The following XKR6 variants were observed in gnomAD, a reference collection of about 807,000 sequenced individuals.
The protein encoded by XKR6 is XK related 6.
In XKR6, 22 loss-of-function variants were observed where a neutral mutation model predicts 56.7. That is an observed-to-expected ratio of 0.39 (90% confidence interval 0.28 to 0.55). XKR6 has a LOEUF of 0.55. Ranked by LOEUF, XKR6 falls within the 20% of genes least tolerant of loss-of-function variation. The pLI is 0.66. For missense variants in XKR6, 852 were observed against 889.0 expected, an observed-to-expected ratio of 0.96 and a Z score of 0.53; for synonymous variants, 524 against 387.8, an observed-to-expected ratio of 1.35 and a Z score of -4.13.
At chr8:11,062,262 G>T (rs1286554382) in intron 1 of XKR6, among the ~76,000 whole-genome samples, 1 of 152,062 alleles carries the variant, frequency 6.6e-6, no homozygotes, top group African/African-American at 2.4e-5. Flanking sequence ...CAAGAGGCCT[G>T]GGAGCCAAGG....
At chr8:11,125,098 A>AAAG (rs1554465727) in intron 1 of XKR6, among the ~76,000 whole-genome samples, 1 of 149,500 alleles carries the variant, frequency 6.7e-6, no homozygotes, top group Non-Finnish European at 1.5e-5. Context: ...CAAAAAAAAA[A>AAAG]AAAAAGAAAA....
intron 1 of XKR6, among the ~76,000 whole-genome samples, chr8:11,189,736 G>GA (rs1803452165): frequency 6.6e-6 from 1 of 152,152 alleles, no homozygotes; most frequent in Non-Finnish European, 1.5e-5. Flanking sequence ...GGAACTTTCT[G>GA]AAAACCTAGA....
intron 1 of XKR6, among the ~76,000 whole-genome samples, chr8:11,131,032 AC>A (rs1202440779): frequency 6.6e-6 from 1 of 152,112 alleles, no homozygotes; most frequent in African/African-American, 2.4e-5. Flanking sequence ...GTAACTGAGG[AC>A]CCTGTTTTAG....
chr8:10,940,818 C>G (rs1801366641), intron 1 of XKR6, among the ~76,000 whole-genome samples: 1 of 152,204 alleles, frequency 6.6e-6, no homozygotes, highest in African/African-American at 2.4e-5. Flanking sequence ...CACCAGCAAA[C>G]TGCTTTGTTC....
Position 11,035,179 on chromosome 8 carries a change from G to C in XKR6, c.765-110349C>G, listed in dbSNP as rs376917688. On this transcript the variant is annotated intron_variant, in intron 1 of 2. Transcript: ENST00000416569. ...AACAGCCAGTCTCGTGCCCAGCCCA[G>C]CGTGGGTGCAAGCTATCTGGTGGCT... 7 of 534,584 alleles carry C rather than the reference G, an allele frequency of 1.3e-5. No individual in the cohort carries two copies. In the African/African-American group the frequency reaches 1.3e-4, roughly 10 times the overall value. The allele number at this position is 534,584 out of a possible 1,614,324, so 33.1% of individuals were successfully genotyped here. A position where few individuals can be genotyped will look rare whatever the true frequency, so the allele number is the denominator to read the frequency against.
At chr8:11,102,881 A>C (rs377226121) in intron 1 of XKR6, among the ~76,000 whole-genome samples, 1 of 152,190 alleles carries the variant, frequency 6.6e-6, no homozygotes, top group Non-Finnish European at 1.5e-5. Context: ...CTGCCTTCTT[A>C]TTCTTGCTCT....
At chr8:11,053,333 G>C (rs552809379) in intron 1 of XKR6, among the ~76,000 whole-genome samples, 1 of 152,182 alleles carries the variant, frequency 6.6e-6, no homozygotes, top group Non-Finnish European at 1.5e-5. Flanking sequence ...GGCCCAGCAC[G>C]CTTAACCATC....
At chr8:10,912,306 G>GTATATATATATATA (rs535084135) in intron 2 of XKR6, among the ~76,000 whole-genome samples, 15 of 55,246 alleles carry the variant, frequency 2.7e-4, no homozygotes, top group South Asian at 1.1e-3. Flanking sequence ...AAGAGAGGGT[G>GTATATATATATATA]TATATATATA....
At chr8:11,026,613 TTAGATGGTCTAGCCTACTACACACC>T (rs1798871336) in intron 1 of XKR6, among the ~76,000 whole-genome samples, 1 of 144,500 alleles carries the variant, frequency 6.9e-6, no homozygotes, top group Non-Finnish European at 1.5e-5. Flanking sequence ...TACTACACAC[TTAGATGGTCTAGCCTACTACACACC>T]TAGATGGTCT....
chr8:10,974,618 C>T (rs550974325), intron 1 of XKR6, among the ~76,000 whole-genome samples: 4 of 152,344 alleles, frequency 2.6e-5, no homozygotes, highest in East Asian at 1.9e-4. Context: ...CAGTGAGAGG[C>T]TGGGTTAACA....
chr8:11,033,078 G>A (rs1799032029), intron 1 of XKR6, among the ~76,000 whole-genome samples: 1 of 151,968 alleles, frequency 6.6e-6, no homozygotes, highest in South Asian at 2.1e-4. Context: ...TGGTGACGAT[G>A]GTAATGGTGA....
At chr8:11,120,884 A>T (rs576016584) in intron 1 of XKR6, among the ~76,000 whole-genome samples, 12 of 152,316 alleles carry the variant, frequency 7.9e-5, no homozygotes, top group East Asian at 1.9e-4. Flanking sequence ...ATAATGCCGC[A>T]TATCTACAAC....
At chr8:11,162,486 T>A (rs1447115485) in intron 1 of XKR6, among the ~76,000 whole-genome samples, 1 of 152,090 alleles carries the variant, frequency 6.6e-6, no homozygotes, top group Non-Finnish European at 1.5e-5. Flanking sequence ...AACAAAAAAC[T>A]CTCTTTTTTA....
intron 1 of XKR6, chr8:11,106,002 G>C (rs1453723301): frequency 6.6e-6 from 1 of 152,152 alleles, no homozygotes; most frequent in African/African-American, 2.4e-5. Flanking sequence ...TACACCAAGA[G>C]TCAGAAAATG....
chr8:10,915,659 T>G (rs1280185401), intron 2 of XKR6, among the ~76,000 whole-genome samples: 1 of 152,204 alleles, frequency 6.6e-6, no homozygotes, highest in African/African-American at 2.4e-5. Context: ...AAACTCCATT[T>G]AACAGGGTAA....
intron 1 of XKR6, among the ~76,000 whole-genome samples, chr8:10,940,600 G>A (rs1801359892): frequency 6.6e-6 from 1 of 152,164 alleles, no homozygotes; most frequent in Non-Finnish European, 1.5e-5. Flanking sequence ...TGGTCCGGGA[G>A]CAGAGCTGGT....
intron 1 of XKR6, among the ~76,000 whole-genome samples, chr8:10,969,425 T>C (rs190289329): frequency 3.9e-5 from 6 of 152,330 alleles, no homozygotes; most frequent in Middle Eastern, 3.4e-3. Context: ...CAGGAATAGA[T>C]TTAATTAAAG....
chr8:11,020,229 A>G (rs1798719308), intron 1 of XKR6, among the ~76,000 whole-genome samples: 1 of 152,172 alleles, frequency 6.6e-6, no homozygotes, highest in African/African-American at 2.4e-5. Context: ...CAGTGGAGCC[A>G]GGGCTTGGCC....
At chr8:11,060,162 G>A (rs1296903427) in intron 1 of XKR6, among the ~76,000 whole-genome samples, 7 of 152,180 alleles carry the variant, frequency 4.6e-5, no homozygotes, top group Non-Finnish European at 1.0e-4. Context: ...GTGGCAGGCG[G>A]AGATAAAGAG....
Sources: allele counts gnomAD v4.1 joint callset (sites outside exome capture counted in the v4.1 genomes callset), GRCh38; gene constraint gnomAD v4.1.1; transcripts MANE v1.5; gene names NCBI Gene and HGNC (gene_info 2026-07-23, HGNC 2026-07-21).